ARID2: variants seen among roughly 807,000 people sequenced by gnomAD.
ARID2 encodes the protein AT-rich interaction domain 2, also known as AT-rich interactive domain-containing protein 2.
ARID2 carries 32 observed loss-of-function variants against 184.6 expected under a neutral mutation model. The ratio of observed to expected loss-of-function variants is 0.17; its 90% CI spans 0.13 to 0.23. ARID2 has a LOEUF of 0.23. Among genes scored for constraint, ARID2 ranks in the 10% least tolerant of loss-of-function variants. The pLI is 1.00. For synonymous variants in ARID2, 836 were observed against 772.6 expected (o/e 1.08, Z -1.36); for missense variants, 1,696 against 2,197.6 (o/e 0.77, Z 4.56).
chr12:45,736,958 A>G (rs1941138855), intron 3 of ARID2, among the ~76,000 whole-genome samples: 1 of 152,214 alleles, frequency 6.6e-6, no homozygotes, highest in Non-Finnish European at 1.5e-5. Context: ...CCAAAACTGC[A>G]ATTACTTGTG....
rs568575530 is a variant in ARID2 at position 45,894,276 on chromosome 12, G to C, written c.5363+555G>C. Among the ~76,000 whole-genome samples, 56 of 152,290 alleles carry C rather than the reference G, an allele frequency of 3.7e-4. 1 individual carries two copies. The Middle Eastern group carries it at 0.017, about 46-fold the overall frequency. Reference sequence around the variant, plus strand: ...ATATAGAATATTCTGTCAATACCTTGTCTTCCTTAGTTACTTTTCTAGAAT... The same window carrying C: ...ATATAGAATATTCTGTCAATACCTTCTCTTCCTTAGTTACTTTTCTAGAAT... On this transcript the variant is annotated intron_variant, in intron 20 of 20. Coordinates refer to ENST00000334344, the MANE Select transcript of ARID2 (RefSeq NM_152641.4).
intron 3 of ARID2, among the ~76,000 whole-genome samples, chr12:45,775,410 G>T (rs1941957753): frequency 6.6e-6 from 1 of 152,142 alleles, no homozygotes; most frequent in African/African-American, 2.4e-5. Flanking sequence ...TTTGGTTAGG[G>T]CATCCTTATC....
chr12:45,815,228 G>A lies in ARID2; in HGVS notation c.419-2442G>A, dbSNP rs1942785196. Among the ~76,000 whole-genome samples, 3 of 152,028 alleles carry A rather than the reference G, an allele frequency of 2.0e-5. No individual in the cohort carries two copies. In the South Asian group the frequency reaches 6.2e-4, roughly 31 times the overall value. ...GTAAATTAATTATTGCTAAGACTTGGCTTATCATCAGTCCAGTTTACAGTG... is the reference window on the plus strand; with the variant it reads ...GTAAATTAATTATTGCTAAGACTTGACTTATCATCAGTCCAGTTTACAGTG... On this transcript the variant is annotated intron_variant, in intron 4 of 20. Transcript: ENST00000334344.
At chr12:45,826,994 C>G (rs1359271872) in intron 6 of ARID2, among the ~76,000 whole-genome samples, 1 of 151,986 alleles carries the variant, frequency 6.6e-6, no homozygotes, top group Non-Finnish European at 1.5e-5. Flanking sequence ...TTACACATTT[C>G]ATAATTCATG....
At chr12:45,870,364 C>G (rs549673119) in intron 16 of ARID2, among the ~76,000 whole-genome samples, 2 of 152,256 alleles carry the variant, frequency 1.3e-5, no homozygotes, top group East Asian at 3.9e-4. Flanking sequence ...ATATCTCCGT[C>G]CTCCCTGCAC....
In ARID2 at chr12:45,791,519, T is replaced by C. The variant is rs577214342; in HGVS notation, c.285-19899T>C. On this transcript the variant is annotated intron_variant, in intron 3 of 20. Coordinates refer to ENST00000334344, the MANE Select transcript of ARID2 (RefSeq NM_152641.4). The stretch of plus-strand genomic sequence containing the variant: ...TAATATGTGTGATTTGGCCTTTTTT[T>C]CTGAAATGTTCTTATATCAGGGTTC... Among the ~76,000 whole-genome samples, 14 of 152,356 alleles carry C rather than the reference T, an allele frequency of 9.2e-5. No homozygotes were observed. The East Asian group carries it at 2.3e-3, about 25-fold the overall frequency.
intron 3 of ARID2, among the ~76,000 whole-genome samples, chr12:45,800,603 A>G (rs902976094): frequency 6.6e-6 from 1 of 152,110 alleles, no homozygotes; most frequent in Non-Finnish European, 1.5e-5. Context: ...AGCATTGAGC[A>G]CACCTAGTGT....
chr12:45,905,290 A>C lies in ARID2; in HGVS notation c.*212A>C, dbSNP rs1444170641. ...AAATCTAAAAAGAAAAAGGAAAAAA[A>C]AAAAAGAACTGCTGTGGGATTGTCA... On this transcript the variant is annotated 3_prime_UTR_variant, in exon 21 of 21. Coordinates refer to ENST00000334344, the MANE Select transcript of ARID2 (RefSeq NM_152641.4). 2.2e-6 allele frequency: 1 copy of C among 445,218 alleles called. No homozygotes were observed. Among genetic ancestry groups the C allele is most frequent in the East Asian group, 3.6e-5 (1 of 27,486 alleles). The allele number at this position is 445,218 out of a possible 1,614,324, so 27.6% of individuals were successfully genotyped here. A position where few individuals can be genotyped will look rare whatever the true frequency, so the allele number is the denominator to read the frequency against.
intron 3 of ARID2, among the ~76,000 whole-genome samples, chr12:45,758,890 T>C (rs1941620718): frequency 6.6e-6 from 1 of 152,164 alleles, no homozygotes; most frequent in Admixed American, 6.5e-5. Context: ...AATGTAGTCT[T>C]TGAGATTTCA....
rs11445315 is a variant in ARID2 at position 45,793,346 on chromosome 12, C to CTT, written c.285-18066_285-18065dup. Reference sequence around the variant, plus strand: ...ATTTTTATCTCTCTGCTTTTTAATACTTTTTTTCTCTTTTTTATCTTGTTT... The same window carrying CTT: ...ATTTTTATCTCTCTGCTTTTTAATACTTTTTTTTTCTCTTTTTTATCTTGTTT... On this transcript the variant is annotated intron_variant, in intron 3 of 20. Transcript: ENST00000334344. Among the ~76,000 whole-genome samples the CTT allele has an allele frequency of 1.6e-3, 243 of 151,340 alleles. 1 individual carries two copies. Among genetic ancestry groups the CTT allele is most frequent in the African/African-American group, 5.6e-3 (233 of 41,244 alleles).
At chr12:45,874,692 C>T (rs769843961) in intron 16 of ARID2, among the ~76,000 whole-genome samples, 3 of 152,222 alleles carry the variant, frequency 2.0e-5, no homozygotes, top group Non-Finnish European at 2.9e-5. Flanking sequence ...GTTCATATTT[C>T]GACCTCCTCC....
Position 45,839,467 on chromosome 12 carries a change from A to G in ARID2, c.1469A>G (p.Gln490Arg), listed in dbSNP as rs1943295882. Residue 490 changes from glutamine (Q) to arginine (R), a missense_variant, in exon 11 of 21, where the codon CAA becomes CGA. This residue lies in a region of ARID2 where 713 missense variants were observed against 824.4 expected (regional missense o/e 0.86). Transcript: ENST00000334344. ...AGGCCACAAGCTATAGAGCAAGTCC[A>G]AACCCAGACTCATGTAGCATCTGCC... ...EIRPQAIEQV[Q>R]TQTHVASAPA... 6.2e-7 allele frequency: 1 copy of G among 1,613,762 alleles called. No homozygotes were observed.
intron 3 of ARID2, among the ~76,000 whole-genome samples, chr12:45,744,401 A>C (rs948385790): frequency 6.6e-6 from 1 of 151,946 alleles, no homozygotes; most frequent in Non-Finnish European, 1.5e-5. Flanking sequence ...TTTAATCCAT[A>C]GGTATTATCT....
intron 3 of ARID2, among the ~76,000 whole-genome samples, chr12:45,738,927 C>G (rs1941186855): frequency 6.6e-6 from 1 of 151,562 alleles, no homozygotes; most frequent in South Asian, 2.1e-4. Flanking sequence ...CCTTCCCATT[C>G]CCTTCCCTGC....
intron 3 of ARID2, among the ~76,000 whole-genome samples, chr12:45,777,612 TCTTAA>T (rs1942009926): frequency 6.6e-6 from 1 of 151,886 alleles, no homozygotes; most frequent in Non-Finnish European, 1.5e-5. Context: ...ACTACTAAAG[TCTTAA>T]CTTGAGTCTA....
At chr12:45,857,064 T>G (rs1592125098) in intron 15 of ARID2, among the ~76,000 whole-genome samples, 1 of 152,068 alleles carries the variant, frequency 6.6e-6, no homozygotes, top group East Asian at 1.9e-4. Flanking sequence ...TAAGACTTGG[T>G]TTTTTTTCAG....
rs563799882 is a variant in ARID2 at position 45,795,918 on chromosome 12, A to T, written c.285-15500A>T. On this transcript the variant is annotated intron_variant, in intron 3 of 20. Transcript: ENST00000334344. ...TACTACTGCCTCAATAAATGACCAC[A>T]TCCCCTCTCTTTTATTCCTAGAAAA... is the stretch of plus-strand genomic sequence containing the variant. Among the ~76,000 whole-genome samples, 454 of 152,080 alleles carry T rather than the reference A, an allele frequency of 3.0e-3. 1 individual carries two copies. Among genetic ancestry groups the T allele is most frequent in the African/African-American group, 0.01 (430 of 41,486 alleles).
intron 16 of ARID2, among the ~76,000 whole-genome samples, chr12:45,867,835 C>T (rs1405888744): frequency 6.6e-6 from 1 of 151,986 alleles, no homozygotes; most frequent in African/African-American, 2.4e-5. Context: ...AAGCAATTCT[C>T]CCACCTTGGC....
chr12:45,833,526 G>C (rs565410638), intron 6 of ARID2, among the ~76,000 whole-genome samples: 4 of 152,122 alleles, frequency 2.6e-5, no homozygotes, highest in Non-Finnish European at 5.9e-5. Context: ...TTTATTAGAT[G>C]TGAGTGTTGT....
Sources: gnomAD v4.1 joint callset for allele counts (sites outside exome capture counted in the v4.1 genomes callset) on GRCh38, gnomAD v4.1.1 for gene constraint, gnomAD v4.1.1 regional missense constraint, MANE v1.5 for transcripts, NCBI Gene and HGNC (gene_info 2026-07-23, HGNC 2026-07-21) for gene names.